The following CRPPA variants were observed in gnomAD, a reference collection of about 807,000 sequenced individuals.
CRPPA encodes the protein CDP-L-ribitol pyrophosphorylase A, also known as D-ribitol-5-phosphate cytidylyltransferase.
A neutral mutation model predicts 52.0 loss-of-function variants in CRPPA; 43 were observed. The ratio of observed to expected loss-of-function variants is 0.83; its 90% confidence interval spans 0.65 to 1.07. CRPPA has a LOEUF of 1.07. CRPPA is among the 50% of genes least tolerant of loss of function. The pLI, the probability that CRPPA is intolerant of heterozygous loss-of-function variation, is 0.00. For synonymous variants in CRPPA, 250 were observed against 203.5 expected, an observed-to-expected ratio of 1.23 and a Z score of -1.94; for missense variants, 629 against 551.7, an observed-to-expected ratio of 1.14 and a Z score of -1.40.
At chr7:16,220,694 A>G (rs1411298226) in intron 8 of CRPPA, among the ~76,000 whole-genome samples, 1 of 146,906 alleles carries the variant, frequency 6.8e-6, no homozygotes. Context: ...CCCATTCACA[A>G]TTGCTTCAAA....
chr7:16,284,885 A>T (rs1784392388), intron 5 of CRPPA, among the ~76,000 whole-genome samples: 1 of 152,184 alleles, frequency 6.6e-6, no homozygotes, highest in Non-Finnish European at 1.5e-5. Context: ...GGAAGTTCAG[A>T]ATAGAAAAAA....
chr7:16,258,981 T>G lies in CRPPA; in HGVS notation c.965A>C (p.His322Pro). ...GATTTGCTGAAGATGTCTGCCAGCA[T>G]GACCCAGAGCCTCAGATGTGACTTT... Reference protein sequence around the residue: ...HVKVTSEALGHAGRHLQQIIL... With the variant: ...HVKVTSEALGPAGRHLQQIIL... Residue 322 changes from histidine (H) to proline (P), a missense_variant, in exon 7 of 10, where the codon CAT becomes CCT. Coordinates refer to ENST00000407010, the MANE Select transcript of CRPPA (RefSeq NM_001101426.4). 6.2e-7 allele frequency: 1 copy of G among 1,611,392 alleles called. No homozygotes were observed. The highest frequency in any genetic ancestry group is 8.5e-7 in the Non-Finnish European group (1 of 1,178,502).
chr7:16,307,558 T>A (rs1332194146), intron 4 of CRPPA, among the ~76,000 whole-genome samples: 1 of 150,802 alleles, frequency 6.6e-6, no homozygotes, highest in Non-Finnish European at 1.5e-5. Flanking sequence ...TAGGCACCTG[T>A]GATCCCAGCT....
intron 9 of CRPPA, among the ~76,000 whole-genome samples, chr7:16,137,030 T>C (rs1465573095): frequency 6.6e-6 from 1 of 152,242 alleles, no homozygotes; most frequent in African/African-American, 2.4e-5. Flanking sequence ...AATCTAATAT[T>C]TCAACCTTTT....
At chr7:16,374,493 C>A (rs1452563650) in intron 3 of CRPPA, among the ~76,000 whole-genome samples, 1 of 152,142 alleles carries the variant, frequency 6.6e-6, no homozygotes, top group African/African-American at 2.4e-5. Context: ...CTTTCATATA[C>A]ACATATATCC....
At chr7:16,217,607 G>C (rs1460283080) in intron 8 of CRPPA, among the ~76,000 whole-genome samples, 2 of 146,346 alleles carry the variant, frequency 1.4e-5, no homozygotes, top group Admixed American at 1.4e-4. Context: ...GGAGCTGATG[G>C]AGCTGAAAGC....
At chr7:16,238,229 T>TA (rs1161722648) in intron 8 of CRPPA, among the ~76,000 whole-genome samples, 2 of 152,152 alleles carry the variant, frequency 1.3e-5, no homozygotes, top group Admixed American at 6.6e-5. Flanking sequence ...GCTGTTTTTT[T>TA]AAAAAAGATT....
At chr7:16,367,678 G>A (rs1583552655) in intron 3 of CRPPA, among the ~76,000 whole-genome samples, 1 of 152,158 alleles carries the variant, frequency 6.6e-6, no homozygotes, top group African/African-American at 2.4e-5. Context: ...TCTAGCATGT[G>A]GGGTACAGGC....
chr7:16,336,120 G>T (rs1469716307), intron 3 of CRPPA, among the ~76,000 whole-genome samples: 2 of 152,174 alleles, frequency 1.3e-5, no homozygotes, highest in Non-Finnish European at 2.9e-5. Flanking sequence ...GCTAAAGGAA[G>T]TTTAAGTTGG....
intron 9 of CRPPA, among the ~76,000 whole-genome samples, chr7:16,181,001 T>C (rs1781402562): frequency 6.6e-6 from 1 of 151,944 alleles, no homozygotes; most frequent in Non-Finnish European, 1.5e-5. Flanking sequence ...ATATACATGA[T>C]TAGAAAAGCT....
At chr7:16,327,969 A>C (rs1785456684) in intron 3 of CRPPA, among the ~76,000 whole-genome samples, 1 of 152,210 alleles carries the variant, frequency 6.6e-6, no homozygotes, top group Admixed American at 6.5e-5. Context: ...AAAGCTAAGA[A>C]AAACCCTCCA....
chr7:16,183,735 A>C (rs1781453798), intron 9 of CRPPA, among the ~76,000 whole-genome samples: 1 of 152,060 alleles, frequency 6.6e-6, no homozygotes, highest in Non-Finnish European at 1.5e-5. Flanking sequence ...CATTTATTAC[A>C]TACAATTCTG....
chr7:16,229,274 C>T (rs1225790635), intron 8 of CRPPA, among the ~76,000 whole-genome samples: 1 of 151,958 alleles, frequency 6.6e-6, no homozygotes, highest in Non-Finnish European at 1.5e-5. Flanking sequence ...TACTTACATT[C>T]AAGATAATTA....
At chr7:16,168,365 C>T (rs1781109404) in intron 9 of CRPPA, among the ~76,000 whole-genome samples, 1 of 151,962 alleles carries the variant, frequency 6.6e-6, no homozygotes, top group Admixed American at 6.6e-5. Flanking sequence ...TATCTGGAAT[C>T]CTTTATACAC....
Position 16,406,127 on chromosome 7 carries a change from A to G in CRPPA, c.468T>C (p.Asp156=). 6.2e-7 allele frequency: 1 copy of G among 1,613,994 alleles called. No homozygotes were observed. Among genetic ancestry groups the G allele is most frequent in the East Asian group, 2.2e-5 (1 of 44,886 alleles). The part of the protein sequence containing the change: ...LSKPEVVIIH[D]AVRPFVEEGV... ...CTTCCTCAACAAATGGTCTCACAGC[A>G]TCATGGATAATCACTACTTCTGGCT... Residue 156 remains aspartate (D), a synonymous_variant, in exon 2 of 10, where the codon GAT becomes GAC. Coordinates refer to ENST00000407010, the MANE Select transcript of CRPPA (RefSeq NM_001101426.4).
At chr7:16,181,467 T>G (rs1044488067) in intron 9 of CRPPA, among the ~76,000 whole-genome samples, 1 of 151,994 alleles carries the variant, frequency 6.6e-6, no homozygotes, top group Non-Finnish European at 1.5e-5. Flanking sequence ...TATTGAATTT[T>G]GTTACTCTTT....
In CRPPA at chr7:16,383,926, C is replaced by T. The variant is rs568346413; in HGVS notation, c.535-7685G>A. ...CCCTTTCTTTGACTAGGAAAGGGAA[C>T]TCCCTGACCGCTTGCACTTCTCGAG... On this transcript the variant is annotated intron_variant, in intron 2 of 9. Transcript: ENST00000407010. 3.3e-5 allele frequency among the ~76,000 whole-genome samples: 5 copies of T among 152,328 alleles called. No homozygotes were observed. The South Asian group carries it at 6.2e-4, about 19-fold the overall frequency.
chr7:16,094,239 G>A (rs571313694), intron 9 of CRPPA, among the ~76,000 whole-genome samples: 1 of 152,052 alleles, frequency 6.6e-6, no homozygotes, highest in African/African-American at 2.4e-5. Flanking sequence ...CTGAACATTT[G>A]TTTTCCCTCT....
At chr7:16,275,312 C>G (rs573027647) in intron 6 of CRPPA, among the ~76,000 whole-genome samples, 1 of 152,190 alleles carries the variant, frequency 6.6e-6, no homozygotes, top group South Asian at 2.1e-4. Flanking sequence ...GCCACATGAA[C>G]GTTCTCTGCT....
Sources: allele counts gnomAD v4.1 joint callset (sites outside exome capture counted in the v4.1 genomes callset), GRCh38; gene constraint gnomAD v4.1.1; transcripts MANE v1.5; gene names NCBI Gene and HGNC (gene_info 2026-07-23, HGNC 2026-07-21).